Variants in RNF152 observed in about 807,000 individuals in gnomAD.
The protein encoded by RNF152 is E3 ubiquitin-protein ligase RNF152.
In RNF152, 11 loss-of-function variants were observed where a neutral mutation model predicts 12.7. The ratio of observed to expected loss-of-function variants is 0.86; its 90% CI spans 0.54 to 1.43. The LOEUF is 1.43. Among genes scored for constraint, RNF152 ranks in the 40% most tolerant of loss-of-function variants. RNF152 has a pLI of 0.00. For missense variants in RNF152, 255 were observed against 274.8 expected, an observed-to-expected ratio of 0.93 and a Z score of 0.51; for synonymous variants, 113 against 120.3, an observed-to-expected ratio of 0.94 and a Z score of 0.40.
chr18:61,844,078 G>GAAAGAAAT (rs1266527428), intron 1 of RNF152, among the ~76,000 whole-genome samples: 2 of 8,072 alleles, frequency 2.5e-4, no homozygotes, highest in African/African-American at 7.4e-4. Flanking sequence ...AGAAAGAAAG[G>GAAAGAAAT]AAAGAAAGAA....
chr18:61,829,051 G>C (rs949729928), intron 1 of RNF152, among the ~76,000 whole-genome samples: 2 of 152,184 alleles, frequency 1.3e-5, no homozygotes, highest in Non-Finnish European at 2.9e-5. Flanking sequence ...GACGAGGGGA[G>C]GCAGTGCCCA....
intron 1 of RNF152, among the ~76,000 whole-genome samples, chr18:61,872,582 T>C (rs1051119501): frequency 6.6e-6 from 1 of 152,122 alleles, no homozygotes; most frequent in Non-Finnish European, 1.5e-5. Context: ...TGATATATTA[T>C]AAACCCAAAG....
At chr18:61,869,864 A>G (rs1911904784) in intron 1 of RNF152, among the ~76,000 whole-genome samples, 1 of 152,176 alleles carries the variant, frequency 6.6e-6, no homozygotes, top group Non-Finnish European at 1.5e-5. Flanking sequence ...TTGGCACAAC[A>G]ATGATGTAAA....
intron 1 of RNF152, among the ~76,000 whole-genome samples, chr18:61,872,025 G>A (rs947569502): frequency 6.6e-5 from 10 of 152,298 alleles, no homozygotes; most frequent in Admixed American, 1.3e-4. Flanking sequence ...GGTTCTGCAG[G>A]CTGTACAGTA....
In RNF152 at chr18:61,815,950, CA is replaced by C; in HGVS notation, c.513del (p.Val172SerfsTer28). The C allele has an allele frequency of 6.2e-7, 1 of 1,614,240 alleles. No individual in the cohort carries two copies. Among genetic ancestry groups the C allele is most frequent in the South Asian group, 1.1e-5 (1 of 91,088 alleles). On this transcript the variant is annotated frameshift_variant, in exon 2 of 2. Coordinates refer to ENST00000312828, the MANE Select transcript of RNF152 (RefSeq NM_173557.3). LOFTEE classifies it high-confidence loss of function. ...ACCAAGACGCAAGCCACCAAGATGA[CA>C]GTGCACACCCCCGACCAGGTGGAGC... ...VKSSTWSGVC[T>X]VILVACVLVF...
rs1198190798 is a variant in RNF152 at position 61,861,147 on chromosome 18, G to A, written c.-136+31648C>T. On this transcript the variant is annotated intron_variant, in intron 1 of 1. Transcript: ENST00000312828. ...ATTGAGTGTAGTCTAAGTGTACTGT[G>A]TTTGTAAAGTCTACAGTAGTGTACA... 2.0e-5 allele frequency among the ~76,000 whole-genome samples: 3 copies of A among 152,152 alleles called. No individual in the cohort carries two copies. In the East Asian group the frequency reaches 5.8e-4, roughly 29 times the overall value.
At chr18:61,828,768 A>G (rs1909788523) in intron 1 of RNF152, among the ~76,000 whole-genome samples, 1 of 152,228 alleles carries the variant, frequency 6.6e-6, no homozygotes, top group Admixed American at 6.5e-5. Flanking sequence ...ATTCAAATGC[A>G]TATTGAGTAT....
chr18:61,835,885 A>G (rs758971013), intron 1 of RNF152, among the ~76,000 whole-genome samples: 1 of 152,238 alleles, frequency 6.6e-6, no homozygotes, highest in African/African-American at 2.4e-5. Context: ...AAGCAACCAG[A>G]TTGATATTGT....
chr18:61,885,434 A>T (rs757910528), intron 1 of RNF152, among the ~76,000 whole-genome samples: 1 of 152,110 alleles, frequency 6.6e-6, no homozygotes, highest in South Asian at 2.1e-4. Flanking sequence ...CAGCCTCCCA[A>T]GTAGCTGGGA....
intron 1 of RNF152, among the ~76,000 whole-genome samples, chr18:61,863,153 T>C (rs575944581): frequency 1.1e-4 from 17 of 152,230 alleles, no homozygotes; most frequent in Admixed American, 3.3e-4. Flanking sequence ...AGTAGTCCCT[T>C]AGCCAGGCGC....
intron 1 of RNF152, among the ~76,000 whole-genome samples, chr18:61,864,680 G>A (rs147236157): frequency 3.9e-5 from 6 of 152,236 alleles, no homozygotes; most frequent in East Asian, 1.9e-4. Flanking sequence ...TTCCTCTGGC[G>A]ACCAGCTGGC....
chr18:61,872,061 T>C lies in RNF152; in HGVS notation c.-136+20734A>G, dbSNP rs114815191. Among the ~76,000 whole-genome samples the C allele has an allele frequency of 4.0e-3, 612 of 152,290 alleles. 3 individuals carry two copies. Among genetic ancestry groups the C allele is most frequent in the African/African-American group, 0.014 (588 of 41,548 alleles). On this transcript the variant is annotated intron_variant, in intron 1 of 1. Coordinates refer to ENST00000312828, the MANE Select transcript of RNF152 (RefSeq NM_173557.3). The stretch of plus-strand genomic sequence containing the variant: ...AGCATGATGTTGGCATCTGCTCGGC[T>C]CTGGGGAGGCCTCAGGAAACTTACA...
intron 1 of RNF152, among the ~76,000 whole-genome samples, chr18:61,829,210 C>T (rs964730167): frequency 4.6e-5 from 7 of 152,178 alleles, no homozygotes; most frequent in African/African-American, 1.2e-4. Flanking sequence ...TAGCGAATAT[C>T]ACTGTAAGGG....
chr18:61,845,926 G>A (rs573814600), intron 1 of RNF152, among the ~76,000 whole-genome samples: 4 of 151,532 alleles, frequency 2.6e-5, no homozygotes, highest in Non-Finnish European at 4.4e-5. Flanking sequence ...TGTGTGGGGG[G>A]GCGTGGTGAT....
At chr18:61,848,214 G>A (rs1284922732) in intron 1 of RNF152, among the ~76,000 whole-genome samples, 4 of 152,014 alleles carry the variant, frequency 2.6e-5, no homozygotes, top group Admixed American at 6.6e-5. Context: ...CAGGAAGAGC[G>A]GGCTCTTACT....
chr18:61,816,655 A>C, intron 1 of RNF152, 57 bp from the exon 2 acceptor site: 1 of 615,908 alleles, frequency 1.6e-6, no homozygotes, highest in South Asian at 2.4e-5. Context: ...TTGAGATGTC[A>C]ACATATCTAA....
At position 61,812,156 on chromosome 18, in the gene RNF152, T is replaced by C. The variant is rs1199671808; in HGVS notation, c.*3696A>G. On this transcript the variant is annotated 3_prime_UTR_variant, in exon 2 of 2. Transcript: ENST00000312828. ...TCACCCAGAACTGCATCGTTCAATA[T>C]GGCAGCCACTAGACACATAGGGCTA... The C allele has an allele frequency of 6.6e-6, 1 of 152,210 alleles. No homozygotes were observed. Among genetic ancestry groups the C allele is most frequent in the Non-Finnish European group, 1.5e-5 (1 of 68,046 alleles). The allele number at this position is 152,210 out of a possible 1,614,324, so 9.4% of individuals were successfully genotyped here.
chr18:61,859,148 C>A (rs1336413213), intron 1 of RNF152, among the ~76,000 whole-genome samples: 1 of 152,160 alleles, frequency 6.6e-6, no homozygotes, highest in Non-Finnish European at 1.5e-5. Flanking sequence ...TGTTCCACCT[C>A]GCAGACTGGG....
chr18:61,885,458 C>T (rs1192591830), intron 1 of RNF152, among the ~76,000 whole-genome samples: 5 of 152,156 alleles, frequency 3.3e-5, no homozygotes, highest in Non-Finnish European at 7.3e-5. Context: ...CAGGTGCACA[C>T]CATCATGCTT....
Sources: allele counts gnomAD v4.1 joint callset (sites outside exome capture counted in the v4.1 genomes callset), GRCh38; gene constraint gnomAD v4.1.1; transcripts MANE v1.5; gene names NCBI Gene and HGNC (gene_info 2026-07-23, HGNC 2026-07-21).